ACVR2A: variants seen among roughly 807,000 people sequenced by gnomAD.
ACVR2A encodes activin A receptor type 2A, also known as activin receptor type-2A.
Under a neutral mutation model 61.4 loss-of-function variants are expected in ACVR2A, and 7 were observed. That is an observed-to-expected ratio of 0.11 (90% CI 0.06 to 0.21). The LOEUF (loss-of-function observed/expected upper bound fraction) is 0.21. Ranked by LOEUF, ACVR2A falls within the 10% of genes least tolerant of loss-of-function variation. The pLI, the probability that ACVR2A is intolerant of heterozygous loss-of-function variation, is 1.00. For missense variants in ACVR2A, 322 were observed against 621.7 expected (o/e 0.52, Z 5.13); for synonymous variants, 193 against 208.3 (o/e 0.93, Z 0.63).
At chr2:147,859,895 G>A (rs900138776) in intron 1 of ACVR2A, among the ~76,000 whole-genome samples, 2 of 152,144 alleles carry the variant, frequency 1.3e-5, no homozygotes, top group Non-Finnish European at 2.9e-5. Flanking sequence ...CCTTATTTTA[G>A]AATATGTTCT....
At chr2:147,850,144 A>G (rs1685408960) in intron 1 of ACVR2A, among the ~76,000 whole-genome samples, 1 of 151,676 alleles carries the variant, frequency 6.6e-6, no homozygotes, top group Non-Finnish European at 1.5e-5. Context: ...CCCTTTCATT[A>G]TTGTTCCCTT....
intron 1 of ACVR2A, among the ~76,000 whole-genome samples, chr2:147,849,146 T>A (rs1341276871): frequency 1.3e-5 from 2 of 152,156 alleles, no homozygotes; most frequent in Non-Finnish European, 2.9e-5. Flanking sequence ...CTATCACCGA[T>A]TTTGATAGAG....
At chr2:147,889,856 T>C (rs1456940303) in intron 1 of ACVR2A, among the ~76,000 whole-genome samples, 1 of 151,822 alleles carries the variant, frequency 6.6e-6, no homozygotes, top group Non-Finnish European at 1.5e-5. Flanking sequence ...AAGCAGTCAG[T>C]ACTAGTCAGT....
intron 1 of ACVR2A, among the ~76,000 whole-genome samples, chr2:147,864,690 G>T (rs1685810111): frequency 6.6e-6 from 1 of 152,126 alleles, no homozygotes; most frequent in Non-Finnish European, 1.5e-5. Flanking sequence ...CTAGGGACTT[G>T]ATTTGAATTT....
chr2:147,847,591 C>CT (rs954254178), intron 1 of ACVR2A, among the ~76,000 whole-genome samples: 39 of 152,228 alleles, frequency 2.6e-4, no homozygotes, highest in African/African-American at 8.7e-4. Flanking sequence ...TTCGTGGACT[C>CT]TGATTTTTCA....
chr2:147,845,357 C>G, intron 1 of ACVR2A, 150 bp downstream of exon 1: 1 of 536,318 alleles, frequency 1.9e-6, no homozygotes, highest in Non-Finnish European at 3.1e-6. Context: ...CGCCCCCCCC[C>G]CCCGCCCCCA....
chr2:147,852,122 G>C lies in ACVR2A; in HGVS notation c.55+6915G>C, dbSNP rs192333317. On this transcript the variant is annotated intron_variant, in intron 1 of 10. Coordinates refer to ENST00000241416, the MANE Select transcript of ACVR2A (RefSeq NM_001616.5). ...TTAAAATTAGAATTTGAATTATATAGATTTAGAGGGGATCTTAGGTATCCT... is the reference window on the plus strand; with the variant it reads ...TTAAAATTAGAATTTGAATTATATACATTTAGAGGGGATCTTAGGTATCCT... Among the ~76,000 whole-genome samples, 8 of 152,092 alleles carry C rather than the reference G, an allele frequency of 5.3e-5. No individual in the cohort carries two copies. In the East Asian group the frequency reaches 1.5e-3, roughly 29 times the overall value.
chr2:147,886,790 G>T (rs1338931857), intron 1 of ACVR2A, among the ~76,000 whole-genome samples: 1 of 147,734 alleles, frequency 6.8e-6, no homozygotes, highest in African/African-American at 2.5e-5. Context: ...TTTTTTTTGG[G>T]ACGTTTGTTT....
At position 147,910,049 on chromosome 2, in the gene ACVR2A, T is replaced by C. The variant is rs74408554; in HGVS notation, c.529-5142T>C. On this transcript the variant is annotated intron_variant, in intron 4 of 10. Transcript: ENST00000241416. ...ATTCTAATCCTCATTTATTGAGAAG[T>C]GTATTAAGCAAACATATGTGGTTAT... Among the ~76,000 whole-genome samples, 149 of 152,308 alleles carry C rather than the reference T, an allele frequency of 9.8e-4. 4 individuals carry two copies. In the East Asian group the frequency reaches 0.028, roughly 28 times the overall value.
intron 1 of ACVR2A, among the ~76,000 whole-genome samples, chr2:147,849,937 T>G (rs1028120584): frequency 6.6e-6 from 1 of 152,224 alleles, no homozygotes; most frequent in African/African-American, 2.4e-5. Context: ...TTTGACTTTT[T>G]AAAGTGCTAC....
At chr2:147,908,837 C>T (rs765266462) in intron 4 of ACVR2A, among the ~76,000 whole-genome samples, 5 of 152,036 alleles carry the variant, frequency 3.3e-5, no homozygotes, top group Admixed American at 6.6e-5. Flanking sequence ...CAGTCTCTCT[C>T]TCTCTAGATA....
intron 1 of ACVR2A, among the ~76,000 whole-genome samples, chr2:147,845,569 A>T (rs1685290974): frequency 6.6e-6 from 1 of 152,192 alleles, no homozygotes; most frequent in Non-Finnish European, 1.5e-5. Context: ...GAGATCTGAA[A>T]GGAGTATTTA....
chr2:147,909,817 T>A (rs1687072600), intron 4 of ACVR2A, among the ~76,000 whole-genome samples: 1 of 152,020 alleles, frequency 6.6e-6, no homozygotes, highest in South Asian at 2.1e-4. Flanking sequence ...TTTAAAAAAT[T>A]TTTTTGTAGA....
intron 8 of ACVR2A, among the ~76,000 whole-genome samples, chr2:147,921,628 A>T (rs1462720741): frequency 6.6e-6 from 1 of 152,120 alleles, no homozygotes; most frequent in African/African-American, 2.4e-5. Flanking sequence ...GCAAATGTGT[A>T]TGGGAATGGA....
intron 4 of ACVR2A, among the ~76,000 whole-genome samples, chr2:147,912,728 C>A (rs1687148882): frequency 6.6e-6 from 1 of 151,964 alleles, no homozygotes; most frequent in South Asian, 2.1e-4. Flanking sequence ...ATTTTATAAT[C>A]TGTCCTACAG....
At chr2:147,888,551 T>C (rs1183474994) in intron 1 of ACVR2A, among the ~76,000 whole-genome samples, 1 of 152,208 alleles carries the variant, frequency 6.6e-6, no homozygotes, top group Non-Finnish European at 1.5e-5. Context: ...TAACTGGTGT[T>C]GCATTTTTAA....
intron 10 of ACVR2A, 26 bp downstream of exon 10, chr2:147,926,187 T>C: frequency 1.3e-6 from 2 of 1,592,170 alleles, no homozygotes; most frequent in Non-Finnish European, 1.7e-6. Context: ...AGCTTTTCAT[T>C]TGAAATTCCA....
chr2:147,925,756 C>T, intron 9 of ACVR2A: 1 of 319,404 alleles, frequency 3.1e-6, no homozygotes, highest in African/African-American at 2.1e-5. Flanking sequence ...GTCCTCTGTG[C>T]AGATGGAAAT....
At chr2:147,911,288 C>G (rs1286842106) in intron 4 of ACVR2A, among the ~76,000 whole-genome samples, 1 of 152,056 alleles carries the variant, frequency 6.6e-6, no homozygotes, top group Non-Finnish European at 1.5e-5. Flanking sequence ...TGGGATTAAA[C>G]TGGAGTCAAG....
Sources: gnomAD v4.1 joint callset for allele counts (sites outside exome capture counted in the v4.1 genomes callset) on GRCh38, gnomAD v4.1.1 for gene constraint, MANE v1.5 for transcripts, NCBI Gene and HGNC (gene_info 2026-07-23, HGNC 2026-07-21) for gene names.